Variants in TASP1 observed in about 807,000 individuals in gnomAD.
TASP1 encodes taspase 1.
TASP1 carries 16 observed loss-of-function variants against 56.6 expected under a neutral mutation model. The observed-to-expected ratio is 0.28, with a 90% CI of 0.19 to 0.43. TASP1 has a LOEUF of 0.43. Ranked by LOEUF, TASP1 falls within the 20% of genes least tolerant of loss-of-function variation. TASP1 has a pLI of 1.00. For synonymous variants in TASP1, 179 were observed against 184.2 expected (o/e 0.97, Z 0.23); for missense variants, 393 against 511.6 (o/e 0.77, Z 2.24).
chr20:13,385,630 G>C (rs1305785796), downstream of TASP1, among the ~76,000 whole-genome samples: 1 of 152,180 alleles, frequency 6.6e-6, no homozygotes, highest in Non-Finnish European at 1.5e-5. Flanking sequence ...CTGAGATAAG[G>C]AGTTGACTCC....
Position 13,538,128 on chromosome 20 carries a change from G to A in TASP1, c.676-3987C>T, listed in dbSNP as rs548329230. On this transcript the variant is annotated intron_variant, in intron 8 of 13. Transcript: ENST00000337743. ...AGCGATTCTCCTGCCTCAGCTTCCCGAGTAGGGGGATTAAAGGCACCCACC... is the reference window on the plus strand; with the variant it reads ...AGCGATTCTCCTGCCTCAGCTTCCCAAGTAGGGGGATTAAAGGCACCCACC... 4.9e-4 allele frequency among the ~76,000 whole-genome samples: 74 copies of A among 151,444 alleles called. No individual in the cohort carries two copies. In the Middle Eastern group the frequency reaches 0.014, roughly 28 times the overall value.
chr20:13,579,573 G>A (rs1020232083), intron 6 of TASP1, among the ~76,000 whole-genome samples: 3 of 151,780 alleles, frequency 2.0e-5, no homozygotes, highest in East Asian at 1.9e-4. Flanking sequence ...CCGTGGTCTC[G>A]ATCTCCTGAT....
At chr20:13,599,427 A>G (rs966026653) in intron 4 of TASP1, among the ~76,000 whole-genome samples, 2 of 152,188 alleles carry the variant, frequency 1.3e-5, no homozygotes, top group Admixed American at 6.5e-5. Flanking sequence ...TATCACGAGG[A>G]CAGAAAACCA....
the TASP1 span, among the ~76,000 whole-genome samples, chr20:13,219,700 A>G: frequency 1.3e-5 from 2 of 152,188 alleles, no homozygotes; most frequent in Non-Finnish European, 2.9e-5. Flanking sequence ...AAGATGCTTC[A>G]GGCATCTTTA....
the TASP1 span, among the ~76,000 whole-genome samples, chr20:13,231,358 A>G: frequency 2.3e-3 from 344 of 152,364 alleles, 3 homozygotes; most frequent in African/African-American, 7.4e-3. Flanking sequence ...TTCCAAAATT[A>G]CAGAGATGGG....
intron 11 of TASP1, among the ~76,000 whole-genome samples, chr20:13,440,479 A>G (rs1353096974): frequency 6.6e-6 from 1 of 152,172 alleles, no homozygotes. Context: ...GGAGGGAAAA[A>G]TAAACTGACT....
intron 9 of TASP1, among the ~76,000 whole-genome samples, chr20:13,533,814 A>G (rs893876778): frequency 6.6e-6 from 1 of 152,176 alleles, no homozygotes; most frequent in African/African-American, 2.4e-5. Context: ...ACGATTGTAA[A>G]GATGAGAAAC....
At chr20:13,515,548 T>TAAAAAA (rs34077486) in intron 10 of TASP1, among the ~76,000 whole-genome samples, 1 of 122,978 alleles carries the variant, frequency 8.1e-6, no homozygotes. Flanking sequence ...TTCATACACT[T>TAAAAAA]AAAAAAAAAA....
At chr20:13,631,920 G>A (rs2049099982) in intron 1 of TASP1, among the ~76,000 whole-genome samples, 1 of 151,628 alleles carries the variant, frequency 6.6e-6, no homozygotes, top group Non-Finnish European at 1.5e-5. Context: ...AGGCATGGTG[G>A]TGGGTGCCTG....
the TASP1 span, among the ~76,000 whole-genome samples, chr20:13,203,121 T>A: frequency 6.6e-6 from 1 of 152,212 alleles, no homozygotes; most frequent in East Asian, 1.9e-4. Context: ...TACTAAGCAT[T>A]AACTACATGC....
At chr20:13,457,225 C>G (rs1345483060) in intron 11 of TASP1, among the ~76,000 whole-genome samples, 1 of 151,948 alleles carries the variant, frequency 6.6e-6, no homozygotes, top group Non-Finnish European at 1.5e-5. Flanking sequence ...ACCTGTGTAT[C>G]AAACCTGCAC....
Position 13,522,594 on chromosome 20 carries a change from A to G in TASP1, c.874+5839T>C, listed in dbSNP as rs1180426107. On this transcript the variant is annotated intron_variant, in intron 10 of 13. Transcript: ENST00000337743. ...CACGTTTAGGGTTAGGCAAGAGCTC[A>G]TATTCGGACATGCTAAATAGATGTC... Among the ~76,000 whole-genome samples, 7 of 152,186 alleles carry G rather than the reference A, an allele frequency of 4.6e-5. 1 individual carries two copies. Among genetic ancestry groups the G allele is most frequent in the Non-Finnish European group, 8.8e-5 (6 of 68,016 alleles).
At chr20:13,131,966 T>C in the TASP1 span, among the ~76,000 whole-genome samples, 1 of 151,954 alleles carries the variant, frequency 6.6e-6, no homozygotes, top group Admixed American at 6.6e-5. Context: ...GCTGGCATCC[T>C]TGCTTTTCCT....
intron 10 of TASP1, among the ~76,000 whole-genome samples, chr20:13,489,712 C>A (rs1264323698): frequency 3.9e-5 from 6 of 152,050 alleles, no homozygotes; most frequent in Admixed American, 2.0e-4. Flanking sequence ...GCTTTAGCAA[C>A]GCAATTCAGT....
At chr20:13,465,215 A>AT (rs1376224448) in intron 11 of TASP1, among the ~76,000 whole-genome samples, 33 of 151,370 alleles carry the variant, frequency 2.2e-4, no homozygotes, top group Non-Finnish European at 1.0e-4. Context: ...GGAAAAAAAA[A>AT]GGTTAAAATG....
chr20:13,588,250 AAAGGAAGGAAGGAAGGAAGG>A lies in TASP1; in HGVS notation c.283-900_283-881del, dbSNP rs71334135. Among the ~76,000 whole-genome samples, 546 of 96,670 alleles carry A rather than the reference AAAGGAAGGAAGGAAGGAAGG, an allele frequency of 5.6e-3. 6 individuals are homozygous for A. The highest frequency in any genetic ancestry group is 0.016 in the African/African-American group (387 of 24,064). The allele number at this position is 96,670 out of a possible 152,430, so 63.4% of individuals were successfully genotyped here. On this transcript the variant is annotated intron_variant, in intron 4 of 13. Transcript: ENST00000337743. ...AAAAAGGAGAAAGAAAGAAAGGAAG[AAAGGAAGGAAGGAAGGAAGG>A]AAGGAAGGAAGGAAGGAAGGAAGGA...
intron 10 of TASP1, among the ~76,000 whole-genome samples, chr20:13,517,852 T>C (rs978830979): frequency 6.6e-6 from 1 of 152,110 alleles, no homozygotes; most frequent in African/African-American, 2.4e-5. Context: ...GTGACCTAAT[T>C]AGAGTATGCA....
the TASP1 span, among the ~76,000 whole-genome samples, chr20:13,208,326 T>G: frequency 7.0e-3 from 1,059 of 152,340 alleles, 15 homozygotes; most frequent in African/African-American, 0.023. Context: ...TTTTCTTTTT[T>G]CCTTTAGTAG....
At chr20:13,426,418 A>G (rs145296669) in intron 12 of TASP1, among the ~76,000 whole-genome samples, 57 of 152,264 alleles carry the variant, frequency 3.7e-4, no homozygotes, top group African/African-American at 1.3e-3. Flanking sequence ...CAGATGGAAA[A>G]CTTTGTGAGC....
Sources: gnomAD v4.1 joint callset for allele counts (sites outside exome capture counted in the v4.1 genomes callset) on GRCh38, gnomAD v4.1.1 for gene constraint, MANE v1.5 for transcripts, NCBI Gene and HGNC (gene_info 2026-07-23, HGNC 2026-07-21) for gene names.